SLC9C2: variants seen among roughly 807,000 people sequenced by gnomAD.
SLC9C2 encodes the protein sodium/hydrogen exchanger 11.
SLC9C2 carries 75 observed loss-of-function variants against 140.2 expected under a neutral mutation model. The ratio of observed to expected loss-of-function variants is 0.53; its 90% CI spans 0.44 to 0.65. The LOEUF (loss-of-function observed/expected upper bound fraction) is 0.65, where lower values mean the gene tolerates loss of function less well. SLC9C2 is among the 30% of genes least tolerant of loss of function. The pLI is 0.00. For missense variants in SLC9C2, 1,074 were observed against 1,331.8 expected (o/e 0.81, Z 3.01); for synonymous variants, 375 against 420.9 (o/e 0.89, Z 1.34).
chr1:173,568,215 T>C (rs888119679), intron 9 of SLC9C2, among the ~76,000 whole-genome samples: 1 of 152,168 alleles, frequency 6.6e-6, no homozygotes. Context: ...TTGTACCTAT[T>C]ATTTCATCAT....
chr1:173,572,414 G>C (rs946355236), intron 9 of SLC9C2, among the ~76,000 whole-genome samples: 1 of 119,318 alleles, frequency 8.4e-6, no homozygotes, highest in African/African-American at 4.8e-5. Context: ...CCTTGCGTTA[G>C]CAGACTCAAG....
In SLC9C2 at chr1:173,507,053, T is replaced by C; in HGVS notation, c.3040-12A>G. On this transcript the variant is annotated splice_polypyrimidine_tract_variant and intron_variant, in intron 24 of 27. Transcript: ENST00000367714. ...TGAAACCTTAAGTCCTATAATAAAATTGCATTTTAGAAAATAAGTCATACA... is the reference window on the plus strand; with the variant it reads ...TGAAACCTTAAGTCCTATAATAAAACTGCATTTTAGAAAATAAGTCATACA... The C allele has an allele frequency of 6.5e-7, 1 of 1,539,552 alleles. No individual in the cohort carries two copies. The highest frequency in any genetic ancestry group is 8.7e-7 in the Non-Finnish European group (1 of 1,150,272).
intron 9 of SLC9C2, 99 bp downstream of exon 9, chr1:173,573,083 T>C (rs1664942428): frequency 1.2e-6 from 1 of 803,428 alleles, no homozygotes; most frequent in Non-Finnish European, 1.9e-6. Context: ...CCTGGCTCCA[T>C]GTCCAGAGCC....
intron 4 of SLC9C2, chr1:173,596,570 C>T (rs1666465452): frequency 6.6e-6 from 1 of 152,110 alleles, no homozygotes; most frequent in African/African-American, 2.4e-5. Context: ...CATATATCTT[C>T]CTTGGTGTCC....
In SLC9C2 at chr1:173,534,780, G is replaced by A. The variant is rs1194794261; in HGVS notation, c.1776-98C>T. 4 of 1,006,134 alleles carry A rather than the reference G, an allele frequency of 4.0e-6. No homozygotes were observed. In the African/African-American group the frequency reaches 6.9e-5, roughly 17 times the overall value. 62.3% of individuals were successfully genotyped at this position (1,006,134 alleles called of 1,614,324 possible). On this transcript the variant is annotated intron_variant, in intron 15 of 27. Transcript: ENST00000367714. ...AACAAATCATTAAAATTAATTTGAA[G>A]ACTATACATAATATAAAATAATAGT...
chr1:173,569,558 A>G (rs1664709992), intron 9 of SLC9C2, among the ~76,000 whole-genome samples: 1 of 151,900 alleles, frequency 6.6e-6, no homozygotes, highest in Non-Finnish European at 1.5e-5. Context: ...TTCTTTCTCT[A>G]CTGCCTCTTT....
intron 11 of SLC9C2, among the ~76,000 whole-genome samples, chr1:173,553,851 A>T (rs1367825002): frequency 2.0e-5 from 3 of 152,178 alleles, no homozygotes; most frequent in Non-Finnish European, 4.4e-5. Flanking sequence ...TCAATTTTAA[A>T]TACCCAGACA....
rs1044851056 is a variant in SLC9C2 at position 173,522,182 on chromosome 1, A to T, written c.2641-783T>A. Among the ~76,000 whole-genome samples the T allele has an allele frequency of 5.3e-5, 8 of 151,418 alleles. No homozygotes were observed. The South Asian group carries it at 6.3e-4, about 12-fold the overall frequency. The stretch of plus-strand genomic sequence containing the variant: ...GCTTGCAGTGAGCCGAGATCGTGCC[A>T]CTGCATTCCAGCCTGGGCGACAGAG... On this transcript the variant is annotated intron_variant, in intron 21 of 27. Coordinates refer to ENST00000367714, the MANE Select transcript of SLC9C2 (RefSeq NM_178527.4).
At chr1:173,589,180 A>G (rs75573656) in intron 4 of SLC9C2, among the ~76,000 whole-genome samples, 12,175 of 152,294 alleles carry the variant, frequency 0.08, 701 homozygotes, top group East Asian at 0.23. Flanking sequence ...TACATTTAAA[A>G]TAGTTTGGGT....
intron 13 of SLC9C2, among the ~76,000 whole-genome samples, chr1:173,545,628 T>C (rs1482306743): frequency 2.6e-5 from 4 of 152,188 alleles, no homozygotes; most frequent in East Asian, 3.9e-4. Flanking sequence ...GCCTCTCGCC[T>C]GGATTGCAGA....
At chr1:173,539,270 A>G (rs770213937) in intron 13 of SLC9C2, among the ~76,000 whole-genome samples, 3 of 152,210 alleles carry the variant, frequency 2.0e-5, no homozygotes, top group Non-Finnish European at 2.9e-5. Flanking sequence ...GTAAGTCACT[A>G]TAATTTGAGA....
chr1:173,539,135 T>C (rs771254317), intron 13 of SLC9C2, among the ~76,000 whole-genome samples: 4 of 152,228 alleles, frequency 2.6e-5, no homozygotes, highest in South Asian at 4.1e-4. Flanking sequence ...AAACTTCTTT[T>C]TTCATGCAGT....
chr1:173,515,148 T>G (rs529531215), intron 23 of SLC9C2, among the ~76,000 whole-genome samples: 2 of 152,258 alleles, frequency 1.3e-5, no homozygotes, highest in African/African-American at 4.8e-5. Flanking sequence ...GATCTTCTCA[T>G]GGAGTATCTT....
intron 13 of SLC9C2, among the ~76,000 whole-genome samples, chr1:173,546,529 C>T (rs2102050954): frequency 6.6e-6 from 1 of 152,222 alleles, no homozygotes; most frequent in South Asian, 2.1e-4. Flanking sequence ...TGCAGTGAGT[C>T]AAGATCGCGC....
In SLC9C2 at chr1:173,534,695, C is replaced by T. The variant is rs1387129752; in HGVS notation, c.1776-13G>A. 2 of 1,431,914 alleles carry T rather than the reference C, an allele frequency of 1.4e-6. No homozygotes were observed. Among genetic ancestry groups the T allele is most frequent in the East Asian group, 5.4e-5 (2 of 36,842 alleles). The allele number at this position is 1,431,914 out of a possible 1,614,324, so 88.7% of individuals were successfully genotyped here. ...AAATGTATTACTCCTGAAAAGAGAT[C>T]AAATAAAATGTTAGATCACTTAAAA... On this transcript the variant is annotated splice_polypyrimidine_tract_variant and intron_variant, in intron 15 of 27. Transcript: ENST00000367714.
intron 9 of SLC9C2, among the ~76,000 whole-genome samples, chr1:173,572,321 G>A (rs115744832): frequency 1.3e-3 from 197 of 152,336 alleles, no homozygotes; most frequent in African/African-American, 4.2e-3. Flanking sequence ...GCCCCACTCT[G>A]ATGAGGTGGG....
chr1:173,574,135 G>A (rs1299938715), intron 8 of SLC9C2, among the ~76,000 whole-genome samples: 1 of 152,192 alleles, frequency 6.6e-6, no homozygotes, highest in East Asian at 1.9e-4. Flanking sequence ...TCAGACCCAA[G>A]TGTGACTTCC....
In SLC9C2 at chr1:173,535,882, C is replaced by A; in HGVS notation, c.1723G>T (p.Val575Phe). Residue 575 changes from valine (V) to phenylalanine (F), a missense_variant, in exon 15 of 28, where the codon GTT becomes TTT. Transcript: ENST00000367714. ...ATACAATATTCCAAGAAAGTTAAAA[C>A]ATTTTTAAACTTTATAAGCCAACTT... ...TRSWLIKFKN[V>F]LTFLEYCIEK... The A allele has an allele frequency of 6.6e-7, 1 of 1,510,984 alleles. No homozygotes were observed. The highest frequency in any genetic ancestry group is 2.5e-5 in the East Asian group (1 of 40,692). The allele number at this position is 1,510,984 out of a possible 1,614,324, so 93.6% of individuals were successfully genotyped here.
In SLC9C2 at chr1:173,523,557, T is replaced by C. The variant is rs149139498; in HGVS notation, c.2640+412A>G. 3.3e-5 allele frequency among the ~76,000 whole-genome samples: 5 copies of C among 152,336 alleles called. No homozygotes were observed. In the East Asian group the frequency reaches 9.6e-4, roughly 29 times the overall value. On this transcript the variant is annotated intron_variant, in intron 21 of 27. Coordinates refer to ENST00000367714, the MANE Select transcript of SLC9C2 (RefSeq NM_178527.4). ...TCAGCTGACAGAGCATGAACTTGAA[T>C]ACACCTCAGTTCTCACTGTTCCCTA...
Sources: allele counts gnomAD v4.1 joint callset (sites outside exome capture counted in the v4.1 genomes callset), GRCh38; gene constraint gnomAD v4.1.1; transcripts MANE v1.5; gene names NCBI Gene and HGNC (gene_info 2026-07-23, HGNC 2026-07-21).